The following PTPRD variants were observed in gnomAD, a reference collection of about 807,000 sequenced individuals.
The protein encoded by PTPRD is receptor-type tyrosine-protein phosphatase delta.
A neutral mutation model predicts 214.5 loss-of-function variants in PTPRD; 34 were observed. That is an observed-to-expected ratio of 0.16 (90% CI 0.12 to 0.21). The LOEUF (loss-of-function observed/expected upper bound fraction) is 0.21. Ranked by LOEUF, PTPRD falls within the 10% of genes least tolerant of loss-of-function variation. PTPRD has a pLI of 1.00. For synonymous variants in PTPRD, 1,128 were observed against 845.7 expected (o/e 1.33, Z -5.79); for missense variants, 2,545 against 2,398.7 (o/e 1.06, Z -1.27).
intron 3 of PTPRD, among the ~76,000 whole-genome samples, chr9:10,316,184 TACATATATATAG>T (rs2096424286): frequency 6.8e-6 from 1 of 146,856 alleles, no homozygotes; most frequent in South Asian, 2.1e-4. Flanking sequence ...TACATAGATA[TACATATATATAG>T]ACACACACAC....
intron 3 of PTPRD, among the ~76,000 whole-genome samples, chr9:10,203,493 T>C (rs957077515): frequency 3.3e-5 from 5 of 152,060 alleles, no homozygotes; most frequent in Non-Finnish European, 7.4e-5. Context: ...AACTTGAATG[T>C]TGAGGGTAAG....
chr9:9,058,408 T>C (rs570411761), intron 10 of PTPRD, among the ~76,000 whole-genome samples: 9 of 150,144 alleles, frequency 6.0e-5, no homozygotes, highest in African/African-American at 1.9e-4. Context: ...ATTCTATGTA[T>C]AATAGCAATA....
intron 10 of PTPRD, among the ~76,000 whole-genome samples, chr9:9,064,284 G>T (rs1025452391): frequency 3.3e-5 from 5 of 152,092 alleles, no homozygotes; most frequent in African/African-American, 1.2e-4. Context: ...TAAAAATATG[G>T]ATGTCATCTG....
intron 9 of PTPRD, among the ~76,000 whole-genome samples, chr9:9,304,182 G>A (rs1956362353): frequency 6.6e-6 from 1 of 152,060 alleles, no homozygotes. Flanking sequence ...CTCAACAATA[G>A]ATTTTATAAA....
intron 14 of PTPRD, among the ~76,000 whole-genome samples, chr9:8,578,665 T>C (rs2092729772): frequency 6.6e-6 from 1 of 152,166 alleles, no homozygotes. Flanking sequence ...TAGACACATA[T>C]ATCTAAATGG....
chr9:8,452,437 T>C (rs1190971375), intron 33 of PTPRD, among the ~76,000 whole-genome samples: 5 of 152,192 alleles, frequency 3.3e-5, no homozygotes, highest in Non-Finnish European at 7.3e-5. Flanking sequence ...TGTCATAAAA[T>C]ATTAAAAGAC....
At chr9:9,618,622 A>G (rs1225874727) in intron 7 of PTPRD, among the ~76,000 whole-genome samples, 1 of 152,166 alleles carries the variant, frequency 6.6e-6, no homozygotes, top group Non-Finnish European at 1.5e-5. Context: ...AAACAGAAGG[A>G]AAAAAAGTGA....
intron 11 of PTPRD, among the ~76,000 whole-genome samples, chr9:8,753,364 T>C (rs1208316785): frequency 6.6e-6 from 1 of 152,218 alleles, no homozygotes; most frequent in Non-Finnish European, 1.5e-5. Context: ...TAGCATAATT[T>C]TAGATGCTAT....
intron 7 of PTPRD, among the ~76,000 whole-genome samples, chr9:9,632,137 G>T (rs1319595118): frequency 1.3e-5 from 2 of 152,142 alleles, no homozygotes; most frequent in African/African-American, 2.4e-5. Flanking sequence ...TAGCCACAAA[G>T]TGGAAACAAT....
intron 8 of PTPRD, among the ~76,000 whole-genome samples, chr9:9,408,614 A>C (rs557548488): frequency 1.2e-4 from 18 of 152,028 alleles, no homozygotes; most frequent in African/African-American, 4.3e-4. Flanking sequence ...AATATATTTT[A>C]AGGAACCCGA....
intron 4 of PTPRD, among the ~76,000 whole-genome samples, chr9:10,011,238 A>G (rs1232732677): frequency 2.0e-5 from 3 of 151,944 alleles, no homozygotes; most frequent in Non-Finnish European, 4.4e-5. Flanking sequence ...TATTTCAAAT[A>G]CTAAAAACTG....
chr9:9,159,364 T>C (rs1286017087), intron 10 of PTPRD, among the ~76,000 whole-genome samples: 1 of 152,180 alleles, frequency 6.6e-6, no homozygotes, highest in Non-Finnish European at 1.5e-5. Flanking sequence ...CTTATCATTG[T>C]TGCAGGATAT....
rs1415730724 is a variant in PTPRD at position 8,627,563 on chromosome 9, G to A, written c.352+5754C>T. 2.6e-5 allele frequency among the ~76,000 whole-genome samples: 4 copies of A among 151,960 alleles called. No individual in the cohort carries two copies. The East Asian group carries it at 7.8e-4, about 30-fold the overall frequency. ...AGAAGAAAATTGTTCTCACTTCAAT[G>A]CAATGATTTACAAGTGTGCTCATTT... On this transcript the variant is annotated intron_variant, in intron 14 of 45. Transcript: ENST00000381196.
intron 9 of PTPRD, among the ~76,000 whole-genome samples, chr9:9,264,253 T>C (rs1195439446): frequency 6.6e-6 from 1 of 151,576 alleles, no homozygotes; most frequent in Non-Finnish European, 1.5e-5. Context: ...AAAATAATTG[T>C]TTTAAGGAAG....
At chr9:10,361,470 G>A (rs2097390092) in intron 2 of PTPRD, among the ~76,000 whole-genome samples, 1 of 152,120 alleles carries the variant, frequency 6.6e-6, no homozygotes, top group African/African-American at 2.4e-5. Flanking sequence ...TTGAGTAGCA[G>A]AGTGGACAGT....
At chr9:10,564,765 C>T (rs934165500) in intron 2 of PTPRD, among the ~76,000 whole-genome samples, 5 of 152,134 alleles carry the variant, frequency 3.3e-5, no homozygotes, top group Non-Finnish European at 7.4e-5. Flanking sequence ...AACTACCTGC[C>T]CCTTCTCATT....
chr9:9,639,887 T>C (rs2095880717), intron 7 of PTPRD, among the ~76,000 whole-genome samples: 1 of 152,198 alleles, frequency 6.6e-6, no homozygotes, highest in African/African-American at 2.4e-5. Flanking sequence ...GAAAGAACAT[T>C]ATTTCTTCAA....
intron 7 of PTPRD, among the ~76,000 whole-genome samples, chr9:9,716,678 T>G (rs1564730374): frequency 6.6e-6 from 1 of 152,234 alleles, no homozygotes; most frequent in Non-Finnish European, 1.5e-5. Context: ...GTTCATGTCC[T>G]TTGCCCACTT....
chr9:9,711,079 G>T (rs977036951), intron 7 of PTPRD, among the ~76,000 whole-genome samples: 5 of 152,096 alleles, frequency 3.3e-5, no homozygotes, highest in African/African-American at 4.8e-5. Flanking sequence ...CGAGCTACCT[G>T]GATAGGATCA....
Sources: gnomAD v4.1 joint callset for allele counts (sites outside exome capture counted in the v4.1 genomes callset) on GRCh38, gnomAD v4.1.1 for gene constraint, MANE v1.5 for transcripts, NCBI Gene and HGNC (gene_info 2026-07-23, HGNC 2026-07-21) for gene names.